IL1RAPL2: variants seen among roughly 807,000 people sequenced by gnomAD.
IL1RAPL2 encodes the protein X-linked interleukin-1 receptor accessory protein-like 2.
Under a neutral mutation model 44.1 loss-of-function variants are expected in IL1RAPL2, and 3 were observed. The observed-to-expected ratio is 0.07, with a 90% CI of 0.03 to 0.18. The LOEUF (loss-of-function observed/expected upper bound fraction) is 0.18. IL1RAPL2 is among the 10% of genes least tolerant of loss of function. IL1RAPL2 has a pLI of 1.00. For missense variants in IL1RAPL2, 391 were observed against 496.4 expected, an observed-to-expected ratio of 0.79 and a Z score of 2.02; for synonymous variants, 181 against 178.8, an observed-to-expected ratio of 1.01 and a Z score of -0.10.
intron 1 of IL1RAPL2, among the ~76,000 whole-genome samples, chrX:104,609,873 C>T (rs185616487): frequency 1.9e-4 from 21 of 111,697 alleles, no homozygotes; most frequent in East Asian, 8.5e-4. Context: ...ACTCATTCTC[C>T]GTCCAGTTTT....
chrX:105,715,252 T>C (rs926873683), intron 6 of IL1RAPL2, among the ~76,000 whole-genome samples: 22 of 112,323 alleles, frequency 2.0e-4, no homozygotes, highest in Middle Eastern at 4.6e-3. Context: ...TTTTATCTTA[T>C]GTTGAAAGGC....
chrX:104,785,203 A>G (rs1384882883), intron 2 of IL1RAPL2, among the ~76,000 whole-genome samples: 6 of 110,380 alleles, frequency 5.4e-5, no homozygotes, highest in Non-Finnish European at 9.5e-5. Context: ...TGGTAGAGAC[A>G]CGGGATTTCT....
intron 6 of IL1RAPL2, among the ~76,000 whole-genome samples, chrX:105,543,134 A>C (rs1373699474): frequency 9.0e-6 from 1 of 111,488 alleles, no homozygotes; most frequent in South Asian, 3.7e-4. Flanking sequence ...GAACCATGGC[A>C]CAGTAGCTCC....
At chrX:105,683,717 A>G (rs757069070) in intron 6 of IL1RAPL2, among the ~76,000 whole-genome samples, 21 of 112,342 alleles carry the variant, frequency 1.9e-4, no homozygotes, top group Middle Eastern at 4.6e-3. Context: ...TTACTCCTAC[A>G]TAGTCTCATT....
chrX:105,139,849 C>A (rs772520369), intron 2 of IL1RAPL2, among the ~76,000 whole-genome samples: 1 of 112,096 alleles, frequency 8.9e-6, no homozygotes, highest in Non-Finnish European at 1.9e-5. Context: ...GTAGCCAAAC[C>A]GTCATTGAAT....
chrX:105,631,396 A>G (rs2037491026), intron 6 of IL1RAPL2, among the ~76,000 whole-genome samples: 1 of 111,726 alleles, frequency 9.0e-6, no homozygotes, highest in South Asian at 3.7e-4. Context: ...AGATATAAAC[A>G]CCCCAACCAT....
chrX:105,426,055 G>A (rs763639954), intron 5 of IL1RAPL2, among the ~76,000 whole-genome samples: 54 of 104,620 alleles, frequency 5.2e-4, no homozygotes, highest in Non-Finnish European at 9.8e-4. Context: ...CTCCCTCCCA[G>A]TAGAATGTCA....
intron 2 of IL1RAPL2, among the ~76,000 whole-genome samples, chrX:104,915,049 A>G (rs752788609): frequency 8.9e-6 from 1 of 112,011 alleles, no homozygotes; most frequent in African/African-American, 3.3e-5. Flanking sequence ...TCTTTATAGT[A>G]GCATGATTTA....
chrX:104,682,583 T>G (rs550548127), intron 2 of IL1RAPL2, among the ~76,000 whole-genome samples: 1 of 112,254 alleles, frequency 8.9e-6, no homozygotes, highest in African/African-American at 3.2e-5. Context: ...CTGGGAAGAC[T>G]GTCAGTGGAC....
intron 2 of IL1RAPL2, among the ~76,000 whole-genome samples, chrX:105,155,154 G>C (rs1267657103): frequency 1.8e-5 from 2 of 111,357 alleles, no homozygotes; most frequent in Non-Finnish European, 3.8e-5. Context: ...CTTCCATGGT[G>C]CTTACCCCCT....
intron 1 of IL1RAPL2, among the ~76,000 whole-genome samples, chrX:104,630,843 C>CT (rs914412803): frequency 1.2e-3 from 129 of 106,989 alleles, no homozygotes; most frequent in Non-Finnish European, 1.6e-3. Context: ...TTTCAAGCTT[C>CT]TTTTTTTTAT....
At chrX:105,688,919 C>T (rs1175988330) in intron 6 of IL1RAPL2, among the ~76,000 whole-genome samples, 1 of 111,273 alleles carries the variant, frequency 9.0e-6, no homozygotes, top group Admixed American at 9.6e-5. Context: ...AATAACATCA[C>T]ACATCTATAA....
chrX:105,041,108 C>T (rs1208924356), intron 2 of IL1RAPL2, among the ~76,000 whole-genome samples: 1 of 106,565 alleles, frequency 9.4e-6, no homozygotes, highest in African/African-American at 3.5e-5. Flanking sequence ...CAAAGAACAT[C>T]TTTATTTCTG....
At chrX:104,778,624 G>A (rs1279152491) in intron 2 of IL1RAPL2, among the ~76,000 whole-genome samples, 1 of 103,638 alleles carries the variant, frequency 9.6e-6, no homozygotes, top group African/African-American at 3.4e-5. Flanking sequence ...ATGAATATGG[G>A]TGTACAGATA....
chrX:105,399,509 T>A (rs2035590482), intron 5 of IL1RAPL2, among the ~76,000 whole-genome samples: 1 of 111,167 alleles, frequency 9.0e-6, no homozygotes, highest in African/African-American at 3.3e-5. Context: ...TATGTTTGTC[T>A]GTGTCCCCCA....
intron 2 of IL1RAPL2, among the ~76,000 whole-genome samples, chrX:105,062,966 T>C (rs1360684237): frequency 9.0e-6 from 1 of 111,668 alleles, no homozygotes; most frequent in African/African-American, 3.3e-5. Flanking sequence ...TACTTGAATA[T>C]TGATATCTTT....
chrX:105,111,436 A>G (rs2032800910), intron 2 of IL1RAPL2, among the ~76,000 whole-genome samples: 2 of 111,613 alleles, frequency 1.8e-5, no homozygotes, highest in Non-Finnish European at 3.8e-5. Context: ...TGGAAGCTTG[A>G]TGTCTAGAGG....
chrX:104,585,378 A>ATATAAT (rs1219436377), intron 1 of IL1RAPL2, among the ~76,000 whole-genome samples: 1 of 23,250 alleles, frequency 4.3e-5, no homozygotes, highest in Non-Finnish European at 6.3e-5. Flanking sequence ...TATTATATAT[A>ATATAAT]ATATATATTA....
chrX:104,886,402 C>G (rs1923245806), intron 2 of IL1RAPL2, among the ~76,000 whole-genome samples: 1 of 111,908 alleles, frequency 8.9e-6, no homozygotes, highest in Non-Finnish European at 1.9e-5. Context: ...AAAGACCCCA[C>G]CACTTTTCCT....
Sources: allele counts gnomAD v4.1 joint callset (sites outside exome capture counted in the v4.1 genomes callset), GRCh38; gene constraint gnomAD v4.1.1; transcripts MANE v1.5; gene names NCBI Gene and HGNC (gene_info 2026-07-23, HGNC 2026-07-21).